TMEM183A: variants seen among roughly 807,000 people sequenced by gnomAD.
TMEM183A encodes transmembrane protein 183A.
Under a neutral mutation model 46.7 loss-of-function variants are expected in TMEM183A, and 21 were observed. That is an observed-to-expected ratio of 0.45 (90% CI 0.32 to 0.65). The LOEUF (loss-of-function observed/expected upper bound fraction) is 0.65. Ranked by LOEUF, TMEM183A falls within the 30% of genes least tolerant of loss-of-function variation. TMEM183A has a pLI of 0.04. For synonymous variants in TMEM183A, 165 were observed against 180.2 expected (o/e 0.92, Z 0.68); for missense variants, 331 against 481.9 (o/e 0.69, Z 2.93).
intron 6 of TMEM183A, among the ~76,000 whole-genome samples, chr1:203,019,951 A>T (rs1477844972): frequency 1.3e-5 from 2 of 151,394 alleles, no homozygotes; most frequent in African/African-American, 4.9e-5. Context: ...CACTATGCAT[A>T]TAAAACCCAT....
intron 3 of TMEM183A, among the ~76,000 whole-genome samples, chr1:203,012,739 C>T (rs1656785221): frequency 6.6e-6 from 1 of 152,006 alleles, no homozygotes; most frequent in African/African-American, 2.4e-5. Flanking sequence ...GTTTTTGTTT[C>T]GGTGTTTTGA....
Position 203,022,863 on chromosome 1 carries a change from C to T in TMEM183A, c.954C>T (p.Ile318=). The T allele has an allele frequency of 2.5e-6, 4 of 1,613,794 alleles. No homozygotes were observed. The highest frequency in any genetic ancestry group is 1.3e-5 in the African/African-American group (1 of 74,960). ...VMGMIFTLFT[I]NVSTDMRHHR... ...TTGCTTTTCCATTTCAGTTTACTAT[C>T]AATGTGAGCACGGACATGCGGCATC... is the stretch of plus-strand genomic sequence containing the variant. Residue 318 remains isoleucine, a synonymous_variant, in exon 8 of 8, where the codon ATC becomes ATT. Coordinates refer to ENST00000367242, the MANE Select transcript of TMEM183A (RefSeq NM_138391.6).
intron 3 of TMEM183A, among the ~76,000 whole-genome samples, chr1:203,011,549 G>A (rs998019533): frequency 4.6e-5 from 7 of 152,042 alleles, no homozygotes; most frequent in South Asian, 2.1e-4. Flanking sequence ...TGGGATTACA[G>A]GCATGCACCA....
At chr1:203,021,988 C>T (rs1241563200) in intron 7 of TMEM183A, among the ~76,000 whole-genome samples, 1 of 152,158 alleles carries the variant, frequency 6.6e-6, no homozygotes, top group Non-Finnish European at 1.5e-5. Flanking sequence ...GAACTGTTCT[C>T]TTAATGTGTC....
rs746989938 is a variant in TMEM183A at position 203,007,839 on chromosome 1, G to T, written c.175G>T (p.Val59Leu). ...VVRSGRVKKA[V>L]ANAVQQEVKS... The stretch of plus-strand genomic sequence containing the variant: ...GAGGTCTGGACGAGTCAAGAAAGCC[G>T]TAGCCAACGCTGTTCAGCAGGAAGG... The change falls in exon 2 of 8, where the codon GTA (valine) becomes TTA (leucine). Residue 59 changes from valine (V) to leucine (L), a missense_variant. Around this residue, in one of 2 missense-constraint regions of TMEM183A, gnomAD observed 98 missense variants for 96.1 expected, o/e 1.02. Transcript: ENST00000367242. 6.2e-7 allele frequency: 1 copy of T among 1,614,082 alleles called. No homozygotes were observed. Among genetic ancestry groups the T allele is most frequent in the Non-Finnish European group, 8.5e-7 (1 of 1,179,914 alleles).
intron 4 of TMEM183A, chr1:203,015,685 C>T: frequency 2.6e-6 from 1 of 383,400 alleles, no homozygotes; most frequent in Admixed American, 4.4e-5. Flanking sequence ...TCTTTTTGAG[C>T]AGCTAAAGCA....
chr1:203,017,055 C>CT (rs1244453666), intron 5 of TMEM183A, among the ~76,000 whole-genome samples: 1 of 152,108 alleles, frequency 6.6e-6, no homozygotes, highest in East Asian at 1.9e-4. Flanking sequence ...TAAAAGGGTA[C>CT]TTTTGATTTC....
intron 4 of TMEM183A, 103 bp downstream of exon 4, chr1:203,015,151 A>T: frequency 2.0e-6 from 3 of 1,506,520 alleles, no homozygotes; most frequent in Non-Finnish European, 2.7e-6. Flanking sequence ...CACTTTCTCT[A>T]CTCCATGTCT....
At position 203,015,034 on chromosome 1, in the gene TMEM183A, C is replaced by T; in HGVS notation, c.513C>T (p.Thr171=). 3 of 1,612,418 alleles carry T rather than the reference C, an allele frequency of 1.9e-6. No homozygotes were observed. Among genetic ancestry groups the T allele is most frequent in the Non-Finnish European group, 2.5e-6 (3 of 1,179,910 alleles). ...WTVTCTAAFW[T]RLYRRHYTLD... The stretch of plus-strand genomic sequence containing the variant: ...TCACTTGCACTGCTGCCTTTTGGAC[C>T]AGGTTGTACCGAAGGTGCGACCACA... The change falls in exon 4 of 8, where the codon ACC becomes ACT. Residue 171 remains threonine, a synonymous_variant. Transcript: ENST00000367242.
At chr1:203,009,887 A>G (rs969729441) in intron 3 of TMEM183A, among the ~76,000 whole-genome samples, 1 of 152,112 alleles carries the variant, frequency 6.6e-6, no homozygotes, top group South Asian at 2.1e-4. Context: ...TGTAATCCCA[A>G]CACTTTGGGA....
intron 3 of TMEM183A, among the ~76,000 whole-genome samples, chr1:203,011,833 T>C (rs1469465303): frequency 6.6e-6 from 1 of 151,650 alleles, no homozygotes; most frequent in Admixed American, 6.6e-5. Flanking sequence ...TATTCTACTT[T>C]ACCTCCATTA....
chr1:203,016,991 C>G (rs527531831), intron 5 of TMEM183A, among the ~76,000 whole-genome samples: 1 of 152,240 alleles, frequency 6.6e-6, no homozygotes, highest in East Asian at 1.9e-4. Context: ...TATAATGATT[C>G]TTCTCCCCTA....
chr1:203,011,491 C>T (rs2102539219), intron 3 of TMEM183A, among the ~76,000 whole-genome samples: 1 of 152,300 alleles, frequency 6.6e-6, no homozygotes, highest in African/African-American at 2.4e-5. Context: ...ACTGCAACCT[C>T]TGCCTCCCGG....
At chr1:203,016,359 A>G in intron 5 of TMEM183A, 1 of 596,946 alleles carries the variant, frequency 1.7e-6, no homozygotes, top group East Asian at 3.0e-5. Flanking sequence ...CTTTTAGTGT[A>G]TTCCTTATTC....
At chr1:203,016,310 T>G in intron 5 of TMEM183A, 170 bp downstream of exon 5, 1 of 897,646 alleles carries the variant, frequency 1.1e-6, no homozygotes, top group Non-Finnish European at 1.7e-6. Flanking sequence ...ACCTTTCTGC[T>G]GTGCTGGCTG....
Position 203,008,660 on chromosome 1 carries a change from T to C in TMEM183A, c.217T>C (p.Leu73=). The part of the protein sequence containing the change: ...VQQEVKSLCG[L]EASQVPAEEA... Reference sequence around the variant, plus strand: ...TCTTCTAGTAAAATCTCTTTGTGGCTTGGAAGCCTCTCAGGTTCCTGCAGA... The same window carrying C: ...TCTTCTAGTAAAATCTCTTTGTGGCCTGGAAGCCTCTCAGGTTCCTGCAGA... Residue 73 remains leucine (L), a synonymous_variant, in exon 3 of 8, where the codon TTG becomes CTG. Transcript: ENST00000367242. The C allele has an allele frequency of 1.3e-6, 2 of 1,560,700 alleles. No individual in the cohort carries two copies. Among genetic ancestry groups the C allele is most frequent in the Non-Finnish European group, 1.7e-6 (2 of 1,154,994 alleles).
chr1:203,008,424 A>C (rs998704775), intron 2 of TMEM183A, among the ~76,000 whole-genome samples: 1 of 148,220 alleles, frequency 6.7e-6, no homozygotes, highest in Non-Finnish European at 1.5e-5. Context: ...AGTTTCTGCA[A>C]CTTTGGAGTC....
Position 203,022,925 on chromosome 1 carries a change from A to T in TMEM183A, c.1016A>T (p.His339Leu), listed in dbSNP as rs571018950. Residue 339 changes from histidine (H) to leucine (L), a missense_variant, in exon 8 of 8, where the codon CAT becomes CTT. By Grantham distance (99) the His-to-Leu change is moderately conservative. Coordinates refer to ENST00000367242, the MANE Select transcript of TMEM183A (RefSeq NM_138391.6). ...VRLVFQDSPV[H>L]GGRKLRSEQG... Reference sequence around the variant, plus strand: ...CTGGTGTTCCAAGATTCCCCTGTCCATGGTGGTCGGAAACTGCGCAGTGAA... The same window carrying T: ...CTGGTGTTCCAAGATTCCCCTGTCCTTGGTGGTCGGAAACTGCGCAGTGAA... 1 of 1,613,192 alleles carries T rather than the reference A, an allele frequency of 6.2e-7. No individual in the cohort carries two copies. Among genetic ancestry groups the T allele is most frequent in the Non-Finnish European group, 8.5e-7 (1 of 1,179,744 alleles).
At chr1:203,011,706 G>A (rs934110052) in intron 3 of TMEM183A, among the ~76,000 whole-genome samples, 11 of 152,034 alleles carry the variant, frequency 7.2e-5, no homozygotes, top group African/African-American at 2.7e-4. Flanking sequence ...ACCGCACCCG[G>A]CTATCTTTTT....
Sources: allele counts gnomAD v4.1 joint callset (sites outside exome capture counted in the v4.1 genomes callset), GRCh38; gene constraint gnomAD v4.1.1; regional missense constraint gnomAD v4.1.1; transcripts MANE v1.5; gene names NCBI Gene and HGNC (gene_info 2026-07-23, HGNC 2026-07-21).